The following BABAM2 variants were observed in gnomAD, a reference collection of about 807,000 sequenced individuals.
BABAM2 encodes the protein BRISC and BRCA1 A complex member 2.
In BABAM2, 31 loss-of-function variants were observed where a neutral mutation model predicts 54.7. The ratio of observed to expected loss-of-function variants is 0.57; its 90% CI spans 0.43 to 0.77. The LOEUF is 0.77. Among genes scored for constraint, BABAM2 ranks in the 30% least tolerant of loss-of-function variants. The probability of loss-of-function intolerance (pLI) is 0.00; values close to 1 mark genes in which losing one functional copy is unlikely to be tolerated. For synonymous variants in BABAM2, 167 were observed against 162.9 expected (o/e 1.03, Z -0.19); for missense variants, 364 against 455.8 (o/e 0.80, Z 1.83).
chr2:28,123,425 T>C (rs1211794988), intron 6 of BABAM2, among the ~76,000 whole-genome samples: 1 of 152,218 alleles, frequency 6.6e-6, no homozygotes, highest in Non-Finnish European at 1.5e-5. Flanking sequence ...TTTTAGCCTT[T>C]TGCAGTTTCA....
chr2:27,991,340 T>G (rs1234665315), intron 4 of BABAM2, among the ~76,000 whole-genome samples: 3 of 152,218 alleles, frequency 2.0e-5, no homozygotes. Flanking sequence ...CAGTGAAGTA[T>G]TATTTTCCAT....
chr2:27,923,796 C>A lies in BABAM2; in HGVS notation c.129-6036C>A, dbSNP rs117753113. Among the ~76,000 whole-genome samples the A allele has an allele frequency of 2.9e-3, 442 of 152,070 alleles. 15 individuals are homozygous for A. In the East Asian group the frequency reaches 0.081, roughly 28 times the overall value. ...GACCAGCCTGGGCAACATGGTGAAA[C>A]CTTGCCTCTATTAAAAATACAAAAA... On this transcript the variant is annotated intron_variant, in intron 2 of 11. Coordinates refer to ENST00000379624, the MANE Select transcript of BABAM2 (RefSeq NM_199191.3).
At chr2:28,264,815 CG>C (rs1378576359) in intron 10 of BABAM2, among the ~76,000 whole-genome samples, 3 of 152,170 alleles carry the variant, frequency 2.0e-5, no homozygotes, top group African/African-American at 7.2e-5. Context: ...TACATGCTAA[CG>C]TTCAAAGACA....
At chr2:28,279,046 T>TA (rs1686118834) in intron 10 of BABAM2, among the ~76,000 whole-genome samples, 1 of 152,108 alleles carries the variant, frequency 6.6e-6, no homozygotes, top group African/African-American at 2.4e-5. Context: ...CAATAGCTAG[T>TA]AGGGATGATA....
chr2:28,250,310 T>C (rs1203790402), intron 10 of BABAM2, among the ~76,000 whole-genome samples: 1 of 133,990 alleles, frequency 7.5e-6, no homozygotes, highest in Non-Finnish European at 1.6e-5. Flanking sequence ...GGAAGGGCAT[T>C]TGTTGAACTT....
At chr2:28,086,194 C>G (rs185402848) in intron 6 of BABAM2, among the ~76,000 whole-genome samples, 1 of 152,252 alleles carries the variant, frequency 6.6e-6, no homozygotes, top group East Asian at 1.9e-4. Context: ...GAATTTGAAT[C>G]TATCTGTTAA....
At chr2:28,074,357 T>A (rs1664460009) in intron 6 of BABAM2, among the ~76,000 whole-genome samples, 1 of 152,106 alleles carries the variant, frequency 6.6e-6, no homozygotes, top group African/African-American at 2.4e-5. Context: ...CTAGTGTAAT[T>A]CCCCTCCTGC....
intron 2 of BABAM2, among the ~76,000 whole-genome samples, chr2:27,918,751 T>A (rs1475126312): frequency 1.3e-5 from 2 of 152,134 alleles, no homozygotes; most frequent in African/African-American, 4.8e-5. Flanking sequence ...AGCAGTGATG[T>A]GATGATGGCT....
intron 7 of BABAM2, among the ~76,000 whole-genome samples, chr2:28,163,119 G>A (rs888284687): frequency 7.9e-5 from 12 of 152,090 alleles, no homozygotes; most frequent in Admixed American, 3.3e-4. Context: ...GGTGCCCCCC[G>A]AAAAAAGACG....
At position 27,894,908 on chromosome 2, in the gene BABAM2, T is replaced by C. The variant is rs369708261; in HGVS notation, c.128+224T>C. 4.4e-5 allele frequency: 21 copies of C among 479,990 alleles called. No individual in the cohort carries two copies. The East Asian group carries it at 6.2e-4, about 14-fold the overall frequency. The allele number at this position is 479,990 out of a possible 1,614,324, so 29.7% of individuals were successfully genotyped here. On this transcript the variant is annotated intron_variant, in intron 2 of 11. Transcript: ENST00000379624. ...CATTGTTTTATGACTAGAATGTTCA[T>C]GTCTTTTTTTCTGTTTTTTCTTTGT... is the stretch of plus-strand genomic sequence containing the variant.
chr2:28,069,882 G>A (rs988306625), intron 6 of BABAM2, among the ~76,000 whole-genome samples: 103 of 152,154 alleles, frequency 6.8e-4, no homozygotes, highest in African/African-American at 2.5e-3. Context: ...ATTCAAGTAT[G>A]TTTCTTTTTT....
intron 3 of BABAM2, among the ~76,000 whole-genome samples, chr2:27,950,930 CAT>C (rs1669667858): frequency 1.3e-5 from 2 of 152,086 alleles, no homozygotes; most frequent in Non-Finnish European, 2.9e-5. Context: ...AATTGATTGA[CAT>C]AAAGTTTTTC....
intron 5 of BABAM2, among the ~76,000 whole-genome samples, chr2:28,042,528 G>C (rs983447100): frequency 6.6e-6 from 1 of 152,112 alleles, no homozygotes; most frequent in Admixed American, 6.5e-5. Flanking sequence ...AGAACACTAA[G>C]ATAAAGACCG....
chr2:28,264,687 T>A (rs1684826940), intron 10 of BABAM2, among the ~76,000 whole-genome samples: 1 of 152,152 alleles, frequency 6.6e-6, no homozygotes, highest in Non-Finnish European at 1.5e-5. Flanking sequence ...GATGAAAACA[T>A]GCTGAGTTGG....
intron 7 of BABAM2, among the ~76,000 whole-genome samples, chr2:28,153,476 T>C (rs1310860991): frequency 6.6e-6 from 1 of 152,260 alleles, no homozygotes; most frequent in Non-Finnish European, 1.5e-5. Context: ...GTCCAAATCT[T>C]AGCCTCTTAA....
chr2:28,081,822 C>A (rs1665196641), intron 6 of BABAM2, among the ~76,000 whole-genome samples: 1 of 152,116 alleles, frequency 6.6e-6, no homozygotes, highest in Admixed American at 6.6e-5. Context: ...GCCTCATTCT[C>A]TAGGTGTGGA....
intron 7 of BABAM2, among the ~76,000 whole-genome samples, chr2:28,228,272 A>T (rs1277790455): frequency 2.6e-5 from 4 of 152,214 alleles, no homozygotes; most frequent in Non-Finnish European, 5.9e-5. Flanking sequence ...TTTAGTAAAT[A>T]CCAGGTAATA....
At chr2:28,020,719 G>C (rs1675181984) in intron 4 of BABAM2, among the ~76,000 whole-genome samples, 1 of 152,014 alleles carries the variant, frequency 6.6e-6, no homozygotes. Context: ...TAATAGTATA[G>C]AAACATAGTT....
At chr2:27,965,047 G>A (rs923885459) in intron 3 of BABAM2, among the ~76,000 whole-genome samples, 2 of 152,160 alleles carry the variant, frequency 1.3e-5, no homozygotes, top group Middle Eastern at 3.2e-3. Context: ...ATAATTGTGA[G>A]TTCAACTATG....
Sources: allele counts gnomAD v4.1 joint callset (sites outside exome capture counted in the v4.1 genomes callset), GRCh38; gene constraint gnomAD v4.1.1; transcripts MANE v1.5; gene names NCBI Gene and HGNC (gene_info 2026-07-23, HGNC 2026-07-21).